Variants in ACTL6B observed in about 807,000 individuals in gnomAD.
The protein encoded by ACTL6B is actin like 6B, also known as actin-like protein 6B.
ACTL6B carries 48 observed loss-of-function variants against 63.3 expected under a neutral mutation model. The observed-to-expected ratio is 0.76, with a 90% CI of 0.60 to 0.96. The LOEUF is 0.96. Among genes scored for constraint, ACTL6B ranks in the 50% least tolerant of loss-of-function variants. The pLI is 0.00. For missense variants in ACTL6B, 350 were observed against 572.2 expected, an observed-to-expected ratio of 0.61 and a Z score of 3.96; for synonymous variants, 230 against 223.8, an observed-to-expected ratio of 1.03 and a Z score of -0.25.
In ACTL6B at chr7:100,656,375, C is replaced by T. The variant is rs2231168; in HGVS notation, c.-21G>A. On this transcript the variant is annotated 5_prime_UTR_variant, in exon 1 of 14. Transcript: ENST00000160382. Reference sequence around the variant, plus strand: ...CTCATAGTGCCCGCTGCGCTGCTAGCGGCCCGTGGGCGGTGGCGGGATCAG... The same window carrying T: ...CTCATAGTGCCCGCTGCGCTGCTAGTGGCCCGTGGGCGGTGGCGGGATCAG... 6.2e-4 allele frequency: 821 copies of T among 1,328,742 alleles called. 5 individuals are homozygous for T. The African/African-American group carries it at 0.011, about 18-fold the overall frequency. The allele number at this position is 1,328,742 out of a possible 1,614,324, so 82.3% of individuals were successfully genotyped here.
At position 100,647,977 on chromosome 7, in the gene ACTL6B, T is replaced by C. The variant is rs1272976512; in HGVS notation, c.670-444A>G. On this transcript the variant is annotated intron_variant, in intron 7 of 13. Coordinates refer to ENST00000160382, the MANE Select transcript of ACTL6B (RefSeq NM_016188.5). This position sits in a 1 kb window ranked among gnomAD's most constrained non-coding sequence, Gnocchi z 4.4. ...ACACAGCTCTTTTTTTTTTTTTTTT[T>C]CAGATGGAGTCTCACTCGGTCGCCC... Among the ~76,000 whole-genome samples the C allele has an allele frequency of 1.3e-5, 2 of 150,686 alleles. No individual in the cohort carries two copies. The highest frequency in any genetic ancestry group is 4.9e-5 in the African/African-American group (2 of 40,696).
chr7:100,646,339 G>C lies in ACTL6B; in HGVS notation c.1114-4C>G, dbSNP rs1803821415. 3 of 1,613,506 alleles carry C rather than the reference G, an allele frequency of 1.9e-6. No homozygotes were observed. Among genetic ancestry groups the C allele is most frequent in the Non-Finnish European group, 2.5e-6 (3 of 1,179,760 alleles). On this transcript the variant is annotated splice_region_variant and splice_polypyrimidine_tract_variant and intron_variant, in intron 12 of 13. Transcript: ENST00000160382. This position sits in a 1 kb window ranked among gnomAD's most constrained non-coding sequence, Gnocchi z 6.1. ...CAATGAGTTTCAGTCGCATGCTCTGGGGGTAAAAAGGGGCTGGGGGAAGCA... is the reference window on the plus strand; with the variant it reads ...CAATGAGTTTCAGTCGCATGCTCTGCGGGTAAAAAGGGGCTGGGGGAAGCA...
chr7:100,645,450 C>T (rs1050633020), intron 13 of ACTL6B, among the ~76,000 whole-genome samples: 1 of 152,104 alleles, frequency 6.6e-6, no homozygotes, highest in Non-Finnish European at 1.5e-5. Context: ...GTAAGGTCCC[C>T]TTGACCCCAG....
chr7:100,643,104 T>C lies in ACTL6B; in HGVS notation c.*142A>G, dbSNP rs1299638169. On this transcript the variant is annotated 3_prime_UTR_variant, in exon 14 of 14. Transcript: ENST00000160382. Reference sequence around the variant, plus strand: ...ACCCCACGGAGGCCAAACTTTTTTTTCTTAAAACATTTTTACTTCTTTCAA... The same window carrying C: ...ACCCCACGGAGGCCAAACTTTTTTTCCTTAAAACATTTTTACTTCTTTCAA... 3.1e-6 allele frequency: 3 copies of C among 983,480 alleles called. No individual in the cohort carries two copies. Among genetic ancestry groups the C allele is most frequent in the Non-Finnish European group, 4.6e-6 (3 of 653,454 alleles). 60.9% of individuals were successfully genotyped at this position (983,480 alleles called of 1,614,324 possible).
chr7:100,643,898 T>A (rs1204831817), intron 13 of ACTL6B, among the ~76,000 whole-genome samples: 1 of 152,120 alleles, frequency 6.6e-6, no homozygotes, highest in African/African-American at 2.4e-5. Context: ...TAATTATTTT[T>A]ATTTTTATTT....
At chr7:100,643,397 TG>T in intron 13 of ACTL6B, 71 bp from the exon 14 acceptor site, 1 of 1,539,472 alleles carries the variant, frequency 6.5e-7, no homozygotes, top group Non-Finnish European at 8.9e-7. Context: ...GTGCAGCCCC[TG>T]GGAATCCTCC....
In ACTL6B at chr7:100,655,920, C is replaced by T. The variant is rs1210295034; in HGVS notation, c.26-41G>A. ...GGCCTGTAAGGGGACCTCCCCCGAA[C>T]TCTCTCCCGCTAGGTAGCTCCGAGA... On this transcript the variant is annotated intron_variant, in intron 1 of 13. Transcript: ENST00000160382. The surrounding 1 kb of genome is among the most constrained non-coding windows in gnomAD (Gnocchi z 4.4). The T allele has an allele frequency of 6.5e-7, 1 of 1,537,182 alleles. No homozygotes were observed. The highest frequency in any genetic ancestry group is 1.4e-5 in the African/African-American group (1 of 72,442).
Position 100,648,472 on chromosome 7 carries a change from G to T in ACTL6B, c.669+84C>A. The T allele has an allele frequency of 8.2e-7, 1 of 1,214,850 alleles. No individual in the cohort carries two copies. The highest frequency in any genetic ancestry group is 1.1e-6 in the Non-Finnish European group (1 of 884,054). 75.3% of individuals were successfully genotyped at this position (1,214,850 alleles called of 1,614,324 possible). On this transcript the variant is annotated intron_variant, in intron 7 of 13. Coordinates refer to ENST00000160382, the MANE Select transcript of ACTL6B (RefSeq NM_016188.5). This position sits in a 1 kb window ranked among gnomAD's most constrained non-coding sequence, Gnocchi z 4.4. ...TGGGGAGCCTGCTGCTCTCTGCTCT[G>T]ATATCTCATGTGTCAGAGGGTTGAC... is the stretch of plus-strand genomic sequence containing the variant.
chr7:100,655,341 G>T lies in ACTL6B; in HGVS notation c.268+80C>A. The stretch of plus-strand genomic sequence containing the variant: ...CTGGGGCTGCAAGGAAGACTCCGCG[G>T]GGAGTGGGGGCTGCTATGACCCAGA... On this transcript the variant is annotated intron_variant, in intron 3 of 13. Coordinates refer to ENST00000160382, the MANE Select transcript of ACTL6B (RefSeq NM_016188.5). This position sits in a 1 kb window ranked among gnomAD's most constrained non-coding sequence, Gnocchi z 4.4. 1 of 1,484,354 alleles carries T rather than the reference G, an allele frequency of 6.7e-7. No homozygotes were observed. The highest frequency in any genetic ancestry group is 9.2e-7 in the Non-Finnish European group (1 of 1,091,090). 91.9% of individuals were successfully genotyped at this position (1,484,354 alleles called of 1,614,324 possible). A position where few individuals can be genotyped will look rare whatever the true frequency, so the allele number is the denominator to read the frequency against.
rs1368843768 is a variant in ACTL6B, at chr7:100,650,161, G to A, written c.370-26C>T. On this transcript the variant is annotated intron_variant, in intron 4 of 13. Transcript: ENST00000160382. Reference sequence around the variant, plus strand: ...CTGTGGAGAAAGTGCAGAGGGGGAGGATTCAGGAAGGGAGAGGCACAGACC... The same window carrying A: ...CTGTGGAGAAAGTGCAGAGGGGGAGAATTCAGGAAGGGAGAGGCACAGACC... 1.9e-6 allele frequency: 3 copies of A among 1,608,090 alleles called. No homozygotes were observed. In the East Asian group the frequency reaches 6.7e-5, roughly 36 times the overall value.
At chr7:100,651,485 G>A (rs1167065803) in intron 4 of ACTL6B, among the ~76,000 whole-genome samples, 1 of 151,812 alleles carries the variant, frequency 6.6e-6, no homozygotes, top group Admixed American at 6.6e-5. Context: ...GGGAAGCGGA[G>A]GTTGCAGTGA....
chr7:100,654,825 G>A (rs1389298598), intron 4 of ACTL6B, among the ~76,000 whole-genome samples, 194 bp downstream of exon 4: 1 of 152,074 alleles, frequency 6.6e-6, no homozygotes, highest in Non-Finnish European at 1.5e-5. Context: ...AGAGTGCATA[G>A]AGCAAGAAGA....
intron 4 of ACTL6B, among the ~76,000 whole-genome samples, chr7:100,652,288 C>G (rs1245758808): frequency 2.0e-5 from 3 of 151,672 alleles, no homozygotes; most frequent in African/African-American, 7.3e-5. Context: ...GTCCCAGCTA[C>G]TTGGGAGGCC....
At position 100,646,990 on chromosome 7, in the gene ACTL6B, A is replaced by G; in HGVS notation, c.917T>C (p.Phe306Ser). 6.2e-7 allele frequency: 1 copy of G among 1,614,004 alleles called. No individual in the cohort carries two copies. The highest frequency in any genetic ancestry group is 8.5e-7 in the Non-Finnish European group (1 of 1,179,988). Residue 306 changes from phenylalanine to serine, a missense_variant, in exon 10 of 14, where the codon TTT becomes TCT. Physicochemically the swap from Phe to Ser is radical, Grantham distance 155. Transcript: ENST00000160382. The surrounding 1 kb of genome is among the most constrained non-coding windows in gnomAD (Gnocchi z 6.1). ...CCAAACCTTGACGTTCGAGGGATCAAACAGGCCCTCAGGGATGCGGAGTCG... is the reference window on the plus strand; with the variant it reads ...CCAAACCTTGACGTTCGAGGGATCAGACAGGCCCTCAGGGATGCGGAGTCG... ...AERLRIPEGLFDPSNVKGLSG... is the reference protein window; with the variant it reads ...AERLRIPEGLSDPSNVKGLSG...
intron 13 of ACTL6B, among the ~76,000 whole-genome samples, chr7:100,644,464 T>G (rs1050707378): frequency 2.0e-5 from 3 of 151,602 alleles, no homozygotes; most frequent in South Asian, 2.1e-4. Context: ...TTTTTTTGGG[T>G]TTTTTTTGAG....
rs926268189 is a variant in ACTL6B, at chr7:100,646,453, G to A, written c.1113+98C>T. 3.9e-6 allele frequency: 6 copies of A among 1,551,484 alleles called. No homozygotes were observed. Among genetic ancestry groups the A allele is most frequent in the East Asian group, 2.2e-5 (1 of 44,452 alleles). The stretch of plus-strand genomic sequence containing the variant: ...GGCAGGGGTTCTGCTCTGGTGGCCA[G>A]AACAGAAGGAAGGACATGGGAAGGA... On this transcript the variant is annotated intron_variant, in intron 12 of 13. Transcript: ENST00000160382. The surrounding 1 kb of genome is among the most constrained non-coding windows in gnomAD (Gnocchi z 6.1).
intron 4 of ACTL6B, among the ~76,000 whole-genome samples, chr7:100,654,431 CCATAATAATAAT>C (rs1332151562): frequency 9.7e-6 from 1 of 103,348 alleles, no homozygotes; most frequent in African/African-American, 4.7e-5. Context: ...CCAAAGTTGA[CCATAATAATAAT>C]AATAATAATA....
rs1265452911 is a variant in ACTL6B at position 100,648,010 on chromosome 7, A to T, written c.670-477T>A. On this transcript the variant is annotated intron_variant, in intron 7 of 13. Coordinates refer to ENST00000160382, the MANE Select transcript of ACTL6B (RefSeq NM_016188.5). The surrounding 1 kb of genome is among the most constrained non-coding windows in gnomAD (Gnocchi z 4.4). ...AGTCTCACTCGGTCGCCCAGGCTGG[A>T]GTGCAGTGGCGCGATCTCGGCTCAC... Among the ~76,000 whole-genome samples the T allele has an allele frequency of 7.1e-6, 1 of 140,806 alleles. No individual in the cohort carries two copies. The highest frequency in any genetic ancestry group is 1.5e-5 in the Non-Finnish European group (1 of 66,290). The allele number at this position is 140,806 out of a possible 152,430, so 92.4% of individuals were successfully genotyped here.
rs1584471566 is a variant in ACTL6B at position 100,655,062 on chromosome 7, T to C, written c.326A>G (p.Lys109Arg). The change falls in exon 4 of 14, where the codon AAG becomes AGG. Residue 109 changes from lysine to arginine, a missense_variant. Physicochemically the swap from Lys to Arg is conservative, Grantham distance 26. Transcript: ENST00000160382. The surrounding 1 kb of genome is among the most constrained non-coding windows in gnomAD (Gnocchi z 4.4). ...ILDHTYSKHVKSEPNLHPVLM... is the reference protein window; with the variant it reads ...ILDHTYSKHVRSEPNLHPVLM... ...CACTGGGTGCAGGTTTGGCTCAGACTTGACGTGTTTGCTGTAGGTGTGATC... is the reference window on the plus strand; with the variant it reads ...CACTGGGTGCAGGTTTGGCTCAGACCTGACGTGTTTGCTGTAGGTGTGATC... The C allele has an allele frequency of 6.2e-7, 1 of 1,614,078 alleles. No individual in the cohort carries two copies. Among genetic ancestry groups the C allele is most frequent in the Admixed American group, 1.7e-5 (1 of 59,996 alleles).
Sources: allele counts gnomAD v4.1 joint callset (sites outside exome capture counted in the v4.1 genomes callset), GRCh38; gene constraint gnomAD v4.1.1; non-coding constraint Gnocchi (gnomAD v3.1); transcripts MANE v1.5; gene names NCBI Gene and HGNC (gene_info 2026-07-23, HGNC 2026-07-21).